The following KDM7A variants were observed in gnomAD, a reference collection of about 807,000 sequenced individuals.
KDM7A encodes lysine-specific demethylase 7A.
A neutral mutation model predicts 114.8 loss-of-function variants in KDM7A; 28 were observed. The observed-to-expected ratio is 0.24, with a 90% confidence interval of 0.18 to 0.33. The LOEUF (loss-of-function observed/expected upper bound fraction) is 0.33, where lower values mean the gene tolerates loss of function less well. Ranked by LOEUF, KDM7A falls within the 10% of genes least tolerant of loss-of-function variation. The probability of loss-of-function intolerance (pLI) is 1.00; values close to 1 mark genes in which losing one functional copy is unlikely to be tolerated. For synonymous variants in KDM7A, 423 were observed against 397.8 expected (o/e 1.06, Z -0.75); for missense variants, 942 against 1,142.5 (o/e 0.82, Z 2.53).
intron 1 of KDM7A, among the ~76,000 whole-genome samples, chr7:140,160,424 T>A (rs1455939257): frequency 6.6e-6 from 1 of 152,194 alleles, no homozygotes; most frequent in Non-Finnish European, 1.5e-5. Flanking sequence ...AGGTGGTGAC[T>A]GAATCAGCAG....
intron 2 of KDM7A, among the ~76,000 whole-genome samples, chr7:140,137,550 A>G (rs764229815): frequency 1.3e-5 from 2 of 152,202 alleles, no homozygotes; most frequent in African/African-American, 2.4e-5. Flanking sequence ...TTCAAGTTAT[A>G]TATCATATAC....
In KDM7A at chr7:140,153,434, C is replaced by T. The variant is rs964583100; in HGVS notation, c.195-14244G>A. On this transcript the variant is annotated intron_variant, in intron 1 of 19. Coordinates refer to ENST00000397560, the MANE Select transcript of KDM7A (RefSeq NM_030647.2). ...CCAGGAGACGGAGCTTGCAGTGAGCCGAGATCACGCCAGTGCACTCCAGCC... is the reference window on the plus strand; with the variant it reads ...CCAGGAGACGGAGCTTGCAGTGAGCTGAGATCACGCCAGTGCACTCCAGCC... 7.3e-5 allele frequency among the ~76,000 whole-genome samples: 11 copies of T among 151,078 alleles called. No individual in the cohort carries two copies. In the South Asian group the frequency reaches 1.7e-3, roughly 23 times the overall value.
At chr7:140,153,540 TTAA>T (rs1794424944) in intron 1 of KDM7A, among the ~76,000 whole-genome samples, 1 of 152,080 alleles carries the variant, frequency 6.6e-6, no homozygotes, top group South Asian at 2.1e-4. Context: ...CCAAGTGATT[TTAA>T]TAATCAATGG....
chr7:140,126,847 C>T (rs766674222), intron 5 of KDM7A, 24 bp from the exon 6 acceptor site: 5 of 1,556,998 alleles, frequency 3.2e-6, no homozygotes, highest in South Asian at 2.3e-5. Flanking sequence ...AACATACACA[C>T]ACACCCACAT....
At chr7:140,094,274 G>A (rs933196810) in intron 17 of KDM7A, 136 bp from the exon 18 acceptor site, 2 of 664,754 alleles carry the variant, frequency 3.0e-6, no homozygotes, top group Non-Finnish European at 2.7e-6. Flanking sequence ...GGAGGCCAAG[G>A]CAGGTCAATC....
chr7:140,135,801 A>G (rs1818860675), intron 2 of KDM7A, among the ~76,000 whole-genome samples: 1 of 152,074 alleles, frequency 6.6e-6, no homozygotes, highest in African/African-American at 2.4e-5. Flanking sequence ...ATATTACAAA[A>G]CTGTCTCCAA....
At chr7:140,134,528 G>A (rs1036962971) in intron 2 of KDM7A, among the ~76,000 whole-genome samples, 1 of 151,694 alleles carries the variant, frequency 6.6e-6, no homozygotes, top group African/African-American at 2.4e-5. Context: ...GCTCTTGTGT[G>A]TTGTATCAAT....
intron 13 of KDM7A, among the ~76,000 whole-genome samples, chr7:140,099,571 A>T (rs1000697153): frequency 1.5e-4 from 23 of 152,276 alleles, no homozygotes; most frequent in African/African-American, 5.5e-4. Flanking sequence ...GAACCAGGCC[A>T]CACAGCAGGA....
chr7:140,117,718 T>C (rs1369436905), intron 9 of KDM7A, among the ~76,000 whole-genome samples: 4 of 152,228 alleles, frequency 2.6e-5, no homozygotes. Context: ...ATAAACTCTA[T>C]TGTCCAGTAT....
Position 140,099,878 on chromosome 7 carries a change from ACT to A in KDM7A, c.1763+19_1763+20del. The A allele has an allele frequency of 6.3e-7, 1 of 1,598,856 alleles. No individual in the cohort carries two copies. Among genetic ancestry groups the A allele is most frequent in the Non-Finnish European group, 8.6e-7 (1 of 1,166,168 alleles). On this transcript the variant is annotated intron_variant, in intron 13 of 19. Transcript: ENST00000397560. ...CCCAATGAAAATTAATCTATTTGAT[ACT>A]CTGATTTACTTTACATACTTAATTA... is the stretch of plus-strand genomic sequence containing the variant.
At chr7:140,093,355 CCTTCCCTT>C (rs1354398348) in intron 18 of KDM7A, among the ~76,000 whole-genome samples, 1 of 152,170 alleles carries the variant, frequency 6.6e-6, no homozygotes, top group Non-Finnish European at 1.5e-5. Context: ...CCTCTTCCCT[CCTTCCCTT>C]CTCCCCCACA....
intron 7 of KDM7A, among the ~76,000 whole-genome samples, chr7:140,121,485 T>C (rs1818617092): frequency 6.6e-6 from 1 of 152,226 alleles, no homozygotes; most frequent in Non-Finnish European, 1.5e-5. Context: ...AGCCTTGAGC[T>C]TGACCTTGAA....
At position 140,088,425 on chromosome 7, in the gene KDM7A, T is replaced by G. The variant is rs879020021; in HGVS notation, c.*2669A>C. 2.5e-6 allele frequency: 1 copy of G among 397,952 alleles called. No individual in the cohort carries two copies. The highest frequency in any genetic ancestry group is 2.1e-5 in the African/African-American group (1 of 48,620). The allele number at this position is 397,952 out of a possible 1,614,324, so 24.7% of individuals were successfully genotyped here. ...AATCATAATTCTCAATTTTACATAT[T>G]TGTATTTGGTTACAACTAGCTAAAT... is the stretch of plus-strand genomic sequence containing the variant. On this transcript the variant is annotated 3_prime_UTR_variant, in exon 20 of 20. Coordinates refer to ENST00000397560, the MANE Select transcript of KDM7A (RefSeq NM_030647.2).
chr7:140,124,398 A>C (rs986641047), intron 7 of KDM7A, among the ~76,000 whole-genome samples: 2 of 152,244 alleles, frequency 1.3e-5, no homozygotes, highest in Non-Finnish European at 2.9e-5. Flanking sequence ...TCTCAATAAA[A>C]ATAAAAATGA....
At position 140,084,987 on chromosome 7, in the gene KDM7A, A is replaced by G. The variant is rs909391995; in HGVS notation, c.*6107T>C. On this transcript the variant is annotated 3_prime_UTR_variant, in exon 20 of 20. Coordinates refer to ENST00000397560, the MANE Select transcript of KDM7A (RefSeq NM_030647.2). ...CAATGTAAGCTACTTAAAGACTTAC[A>G]AATTTAAAGTAAAACAGAAACAAAA... 1.3e-5 allele frequency: 2 copies of G among 152,246 alleles called. No individual in the cohort carries two copies. Among genetic ancestry groups the G allele is most frequent in the African/African-American group, 2.4e-5 (1 of 41,460 alleles). 9.4% of individuals were successfully genotyped at this position (152,246 alleles called of 1,614,324 possible). A position where few individuals can be genotyped will look rare whatever the true frequency, so the allele number is the denominator to read the frequency against.
At position 140,141,344 on chromosome 7, in the gene KDM7A, A is replaced by C. The variant is rs554393984; in HGVS notation, c.195-2154T>G. On this transcript the variant is annotated intron_variant, in intron 1 of 19. Transcript: ENST00000397560. ...TACTCAAAGCATTCACAGAAAACAA[A>C]AACAAAAACAAAACAAACCCCCCCC... Among the ~76,000 whole-genome samples the C allele has an allele frequency of 1.5e-3, 223 of 152,192 alleles. 1 individual carries two copies. Among genetic ancestry groups the C allele is most frequent in the African/African-American group, 4.9e-3 (205 of 41,542 alleles).
chr7:140,102,022 A>G lies in KDM7A; in HGVS notation c.1567T>C (p.Ser523Pro), dbSNP rs748509265. ...TGGAGCTCTAGGATGTCTAGGTTAGAAGGAGTTCGGACATTATGATCTCGA... is the reference window on the plus strand; with the variant it reads ...TGGAGCTCTAGGATGTCTAGGTTAGGAGGAGTTCGGACATTATGATCTCGA... ...KLRDHNVRTP[S>P]NLDILELHTR... Residue 523 changes from serine (S) to proline (P), a missense_variant, in exon 12 of 20, where the codon TCT becomes CCT. By Grantham distance (74) the Ser-to-Pro change is moderately conservative. Transcript: ENST00000397560. 4 of 1,613,724 alleles carry G rather than the reference A, an allele frequency of 2.5e-6. No individual in the cohort carries two copies. In the Admixed American group the frequency reaches 5.0e-5, roughly 20 times the overall value.
intron 1 of KDM7A, among the ~76,000 whole-genome samples, chr7:140,170,610 G>A (rs1050159963): frequency 3.3e-5 from 5 of 152,168 alleles, no homozygotes; most frequent in African/African-American, 1.2e-4. Flanking sequence ...GATAATAATA[G>A]CAATTACTCA....
intron 13 of KDM7A, 59 bp from the exon 14 acceptor site, chr7:140,099,092 T>C (rs1037770650): frequency 2.4e-6 from 3 of 1,238,472 alleles, no homozygotes; most frequent in Non-Finnish European, 3.4e-6. Flanking sequence ...CCAAACAGTA[T>C]TTATTCCCCT....
Sources: allele counts gnomAD v4.1 joint callset (sites outside exome capture counted in the v4.1 genomes callset), GRCh38; gene constraint gnomAD v4.1.1; transcripts MANE v1.5; gene names NCBI Gene and HGNC (gene_info 2026-07-23, HGNC 2026-07-21).